The following DEPDC1 variants were observed in gnomAD, a reference collection of about 807,000 sequenced individuals.
DEPDC1 encodes DEP domain-containing protein 1A.
In DEPDC1, 66 loss-of-function variants were observed where a neutral mutation model predicts 86.8. That is an observed-to-expected ratio of 0.76 (90% CI 0.62 to 0.93). The LOEUF (loss-of-function observed/expected upper bound fraction) is 0.93, where lower values mean the gene tolerates loss of function less well. DEPDC1 is among the 40% of genes least tolerant of loss of function. The pLI, the probability that DEPDC1 is intolerant of heterozygous loss-of-function variation, is 0.00. For synonymous variants in DEPDC1, 255 were observed against 314.9 expected (o/e 0.81, Z 2.02); for missense variants, 792 against 935.7 (o/e 0.85, Z 2.00).
At chr1:68,487,753 G>A (rs1646202082) in intron 5 of DEPDC1, among the ~76,000 whole-genome samples, 1 of 151,740 alleles carries the variant, frequency 6.6e-6, no homozygotes, top group Admixed American at 6.6e-5. Flanking sequence ...CATCAGCTAC[G>A]ATTTTGAGAG....
At position 68,489,498 on chromosome 1, in the gene DEPDC1, T is replaced by C. The variant is rs1451379349; in HGVS notation, c.425A>G (p.Asn142Ser). Residue 142 changes from asparagine (N) to serine (S), a missense_variant, in exon 3 of 12, where the codon AAC (asparagine) becomes AGC (serine). Asn to Ser is a conservative substitution (Grantham distance 46). Coordinates refer to ENST00000456315, the MANE Select transcript of DEPDC1 (RefSeq NM_001114120.3). ...CCTTTTAGGAGTTCTACGAGATAAG[T>C]TTCGTAATTTAAAAATGCTATCTTT... ...KDKDSIFKLR[N>S]LSRRTPKRHG... 1.3e-6 allele frequency: 2 copies of C among 1,536,960 alleles called. No homozygotes were observed. The highest frequency in any genetic ancestry group is 2.5e-5 in the East Asian group (1 of 40,256).
At chr1:68,494,159 T>G (rs1292769352) in intron 2 of DEPDC1, among the ~76,000 whole-genome samples, 1 of 152,218 alleles carries the variant, frequency 6.6e-6, no homozygotes, top group Non-Finnish European at 1.5e-5. Context: ...TTATAAAGTG[T>G]TCAGAATATG....
intron 8 of DEPDC1, 131 bp downstream of exon 8, chr1:68,481,915 G>C: frequency 1.1e-6 from 1 of 949,606 alleles, no homozygotes; most frequent in Non-Finnish European, 1.5e-6. Context: ...ACAGACAAAA[G>C]TCTTTTTAAA....
At chr1:68,493,282 A>T (rs1443129183) in intron 2 of DEPDC1, among the ~76,000 whole-genome samples, 1 of 152,222 alleles carries the variant, frequency 6.6e-6, no homozygotes, top group Non-Finnish European at 1.5e-5. Flanking sequence ...ATAAATTCTT[A>T]GACATTTCAT....
At chr1:68,479,096 C>T in intron 10 of DEPDC1, 48 bp downstream of exon 10, 1 of 1,490,508 alleles carries the variant, frequency 6.7e-7, no homozygotes, top group South Asian at 1.3e-5. Context: ...ATGAGTTTGC[C>T]ACTTGCAACT....
intron 2 of DEPDC1, among the ~76,000 whole-genome samples, chr1:68,492,153 A>G (rs1646233181): frequency 1.3e-5 from 2 of 152,174 alleles, no homozygotes; most frequent in Admixed American, 1.3e-4. Context: ...TTAGACTTTT[A>G]CCAAATGAAT....
intron 6 of DEPDC1, among the ~76,000 whole-genome samples, chr1:68,485,778 A>G (rs759848491): frequency 2.1e-4 from 32 of 152,054 alleles, no homozygotes; most frequent in Middle Eastern, 3.2e-3. Context: ...GTTTCTGTAA[A>G]TATATTTAAT....
At chr1:68,492,278 T>A (rs915074866) in intron 2 of DEPDC1, among the ~76,000 whole-genome samples, 1 of 152,248 alleles carries the variant, frequency 6.6e-6, no homozygotes, top group Admixed American at 6.5e-5. Flanking sequence ...ATGTACTAAG[T>A]ATTTTCATTC....
In DEPDC1 at chr1:68,494,357, A is replaced by G. The variant is rs1470298400; in HGVS notation, c.314+73T>C. The G allele has an allele frequency of 2.3e-6, 3 of 1,333,020 alleles. No individual in the cohort carries two copies. The East Asian group carries it at 7.5e-5, about 33-fold the overall frequency. 82.6% of individuals were successfully genotyped at this position (1,333,020 alleles called of 1,614,324 possible). On this transcript the variant is annotated intron_variant, in intron 2 of 11. Transcript: ENST00000456315. ...ACTTCTTTGAAGAAGCTGCTGTTAT[A>G]GTAAAAGTATAATATAAGTAGAGAT...
chr1:68,488,543 A>G (rs1163000106), intron 4 of DEPDC1, 39 bp from the exon 5 acceptor site: 6 of 1,521,736 alleles, frequency 3.9e-6, no homozygotes, highest in Non-Finnish European at 5.4e-6. Context: ...TTTCTTCATA[A>G]ATAGATTATA....
At chr1:68,483,733 T>C (rs1233116163) in intron 7 of DEPDC1, among the ~76,000 whole-genome samples, 2 of 152,070 alleles carry the variant, frequency 1.3e-5, no homozygotes, top group African/African-American at 4.8e-5. Flanking sequence ...TGAATCATTG[T>C]AGTGAATTAT....
At position 68,475,973 on chromosome 1, in the gene DEPDC1, T is replaced by A. The variant is rs1646112461; in HGVS notation, c.*959A>T. Reference sequence around the variant, plus strand: ...CCTGGGCATATAGGCTGTTTTAAAATTCCTCGGGTGAGTCTAATGTGTACC... The same window carrying A: ...CCTGGGCATATAGGCTGTTTTAAAAATCCTCGGGTGAGTCTAATGTGTACC... On this transcript the variant is annotated 3_prime_UTR_variant, in exon 12 of 12. Transcript: ENST00000456315. 1 of 151,814 alleles carries A rather than the reference T, an allele frequency of 6.6e-6. No individual in the cohort carries two copies. 9.4% of individuals were successfully genotyped at this position (151,814 alleles called of 1,614,324 possible).
chr1:68,491,334 A>T (rs912734177), intron 2 of DEPDC1, among the ~76,000 whole-genome samples: 6 of 152,230 alleles, frequency 3.9e-5, no homozygotes, highest in Non-Finnish European at 7.3e-5. Flanking sequence ...ATTTAAAAGC[A>T]ACTCCATTAA....
chr1:68,482,855 A>G lies in DEPDC1; in HGVS notation c.953T>C (p.Ile318Thr). 1 of 1,596,010 alleles carries G rather than the reference A, an allele frequency of 6.3e-7. No homozygotes were observed. The highest frequency in any genetic ancestry group is 8.5e-7 in the Non-Finnish European group (1 of 1,173,192). The part of the protein sequence containing the change: ...YITVSDRSSG[I>T]HKIQDDPQSS... ...CTGTGGATCATCTTGAATTTTATGT[A>G]TCCCACTGGATCTATCTGAAACTGT... The change falls in exon 8 of 12, where the codon ATA (isoleucine) becomes ACA (threonine). Residue 318 changes from isoleucine (I) to threonine (T), a missense_variant. Transcript: ENST00000456315.
chr1:68,487,716 T>A (rs1473554375), intron 5 of DEPDC1, among the ~76,000 whole-genome samples: 3 of 151,930 alleles, frequency 2.0e-5, no homozygotes, highest in Non-Finnish European at 2.9e-5. Flanking sequence ...GTCAGTTAAT[T>A]CCACAGACAG....
Position 68,481,434 on chromosome 1 carries a change from A to T in DEPDC1, c.1935+6T>A. The stretch of plus-strand genomic sequence containing the variant: ...GACTTATTCTTTCTATAAGAAATCA[A>T]CTTACCAGTGACCTCGTACCCATTG... On this transcript the variant is annotated splice_donor_region_variant and intron_variant, in intron 9 of 11. Transcript: ENST00000456315. The T allele has an allele frequency of 1.2e-6, 2 of 1,607,498 alleles. No homozygotes were observed. The highest frequency in any genetic ancestry group is 1.7e-6 in the Non-Finnish European group (2 of 1,176,642).
chr1:68,484,424 A>T (rs1646178527), intron 6 of DEPDC1, among the ~76,000 whole-genome samples: 1 of 152,078 alleles, frequency 6.6e-6, no homozygotes, highest in Admixed American at 6.6e-5. Context: ...TGGACAACAC[A>T]AATAATTCCT....
rs1646137843 is a variant in DEPDC1 at position 68,479,244 on chromosome 1, A to C, written c.2012T>G (p.Leu671Ter). The C allele has an allele frequency of 6.2e-7, 1 of 1,612,634 alleles. No individual in the cohort carries two copies. ...VDLDELLAGR[L>*]VSFLMDHHQE... is the part of the protein sequence containing the mutation. ...ATGATGATCCATTAAGAAAGAAACT[A>C]ATCTTCCAGCAAGAAGCTCATCAAG... Residue 671 changes from leucine to a stop codon, truncating the protein, a stop_gained, in exon 10 of 12, where the codon TTA becomes TGA. Coordinates refer to ENST00000456315, the MANE Select transcript of DEPDC1 (RefSeq NM_001114120.3). LOFTEE classifies it high-confidence loss of function.
In DEPDC1 at chr1:68,479,241, A is replaced by G. The variant is rs755033152; in HGVS notation, c.2015T>C (p.Val672Ala). The change falls in exon 10 of 12, where the codon GTT (valine) becomes GCT (alanine). Residue 672 changes from valine (V) to alanine (A), a missense_variant. Physicochemically the swap from Val to Ala is moderately conservative, Grantham distance 64. Transcript: ENST00000456315. The part of the protein sequence containing the change: ...DLDELLAGRL[V>A]SFLMDHHQEI... ...CTGATGATGATCCATTAAGAAAGAA[A>G]CTAATCTTCCAGCAAGAAGCTCATC... is the stretch of plus-strand genomic sequence containing the variant. 6.2e-7 allele frequency: 1 copy of G among 1,612,702 alleles called. No individual in the cohort carries two copies. The highest frequency in any genetic ancestry group is 2.2e-5 in the East Asian group (1 of 44,820).
Sources: gnomAD v4.1 joint callset for allele counts (sites outside exome capture counted in the v4.1 genomes callset) on GRCh38, gnomAD v4.1.1 for gene constraint, MANE v1.5 for transcripts, NCBI Gene and HGNC (gene_info 2026-07-23, HGNC 2026-07-21) for gene names.